The following TRIP12 variants were observed in gnomAD, a reference collection of about 807,000 sequenced individuals.
TRIP12 encodes the protein E3 ubiquitin-protein ligase TRIP12.
Under a neutral mutation model 244.2 loss-of-function variants are expected in TRIP12, and 25 were observed. That is an observed-to-expected ratio of 0.10 (90% confidence interval 0.07 to 0.14). The LOEUF (loss-of-function observed/expected upper bound fraction) is 0.14. Among genes scored for constraint, TRIP12 ranks in the 10% least tolerant of loss-of-function variants. TRIP12 has a pLI of 1.00. For missense variants in TRIP12, 1,677 were observed against 2,486.4 expected, an observed-to-expected ratio of 0.67 and a Z score of 6.92; for synonymous variants, 905 against 873.1, an observed-to-expected ratio of 1.04 and a Z score of -0.64.
intron 15 of TRIP12, among the ~76,000 whole-genome samples, chr2:229,808,619 T>C (rs1204227886): frequency 1.3e-5 from 2 of 152,210 alleles, no homozygotes; most frequent in East Asian, 1.9e-4. Flanking sequence ...CTAATCACAA[T>C]TCCTTCTCAC....
At chr2:229,860,126 TA>T (rs1324913103) in intron 3 of TRIP12, among the ~76,000 whole-genome samples, 4 of 151,590 alleles carry the variant, frequency 2.6e-5, no homozygotes, top group African/African-American at 9.7e-5. Flanking sequence ...GATTAAAAAA[TA>T]AAAAGAAATA....
intron 4 of TRIP12, among the ~76,000 whole-genome samples, chr2:229,847,171 A>G (rs1417683003): frequency 6.6e-6 from 1 of 152,242 alleles, no homozygotes; most frequent in Non-Finnish European, 1.5e-5. Flanking sequence ...GTACATCCAT[A>G]TCTAGCCATT....
intron 1 of TRIP12, among the ~76,000 whole-genome samples, chr2:229,891,469 A>G (rs991209307): frequency 6.6e-6 from 1 of 151,400 alleles, no homozygotes; most frequent in African/African-American, 2.4e-5. Context: ...TGACATGCAC[A>G]TCTAGGCCCA....
At chr2:229,796,852 C>A in intron 24 of TRIP12, 70 bp from the exon 25 acceptor site, 1 of 1,362,754 alleles carries the variant, frequency 7.3e-7, no homozygotes, top group Non-Finnish European at 9.9e-7. Context: ...ACTCACATAT[C>A]CTCAAAAGGA....
intron 21 of TRIP12, among the ~76,000 whole-genome samples, chr2:229,799,825 T>C (rs1299712459): frequency 6.6e-6 from 1 of 152,176 alleles, no homozygotes; most frequent in African/African-American, 2.4e-5. Flanking sequence ...TAGTGATTAT[T>C]TAATGCCAAT....
chr2:229,797,644 T>G, intron 24 of TRIP12, 46 bp downstream of exon 24: 1 of 1,601,554 alleles, frequency 6.2e-7, no homozygotes, highest in South Asian at 1.1e-5. Flanking sequence ...CAGGAGATGC[T>G]GGGAAGAGAC....
At chr2:229,905,874 T>C (rs1577017227) in intron 1 of TRIP12, among the ~76,000 whole-genome samples, 1 of 152,128 alleles carries the variant, frequency 6.6e-6, no homozygotes, top group Admixed American at 6.5e-5. Flanking sequence ...CAATAGCCAA[T>C]GAGGGCCTTA....
chr2:229,864,039 AGAGAGAGAGTGTGTGTGTGTGTGT>A (rs2060983982), intron 2 of TRIP12, among the ~76,000 whole-genome samples: 1 of 79,178 alleles, frequency 1.3e-5, no homozygotes, highest in African/African-American at 4.3e-5. Flanking sequence ...AGAGAGAGAG[AGAGAGAGAGTGTGTGTGTGTGTGT>A]GTGTGTGTGT....
intron 10 of TRIP12, 23 bp downstream of exon 10, chr2:229,815,249 TA>T (rs751106654): frequency 4.6e-6 from 7 of 1,533,432 alleles, no homozygotes; most frequent in Admixed American, 1.7e-5. Context: ...TATACACCAT[TA>T]AAAAAATACA....
chr2:229,902,263 G>A (rs1576946449), intron 1 of TRIP12, among the ~76,000 whole-genome samples: 2 of 151,952 alleles, frequency 1.3e-5, no homozygotes, highest in African/African-American at 4.8e-5. Flanking sequence ...CGTGCCTACA[G>A]TCCCAGCTAC....
chr2:229,836,744 CAAG>C (rs2054921069), intron 6 of TRIP12, 101 bp downstream of exon 6: 2 of 1,320,138 alleles, frequency 1.5e-6, no homozygotes, highest in Admixed American at 3.0e-5. Context: ...CAAAACAGAA[CAAG>C]AAGTTTATAC....
chr2:229,903,399 A>C (rs1232429152), intron 1 of TRIP12, among the ~76,000 whole-genome samples: 1 of 152,176 alleles, frequency 6.6e-6, no homozygotes, highest in African/African-American at 2.4e-5. Flanking sequence ...AAAAGGAATT[A>C]TTATGGATAG....
chr2:229,818,894 T>C (rs528383789), intron 8 of TRIP12, among the ~76,000 whole-genome samples: 44 of 152,248 alleles, frequency 2.9e-4, no homozygotes, highest in Non-Finnish European at 5.7e-4. Flanking sequence ...ATGATGCCCA[T>C]ACTTCAAAGG....
At chr2:229,899,394 G>C (rs1163450071) in intron 1 of TRIP12, among the ~76,000 whole-genome samples, 3 of 152,208 alleles carry the variant, frequency 2.0e-5, no homozygotes, top group Non-Finnish European at 4.4e-5. Context: ...AAACCAGCAA[G>C]AATGAGCTAG....
At chr2:229,789,485 A>T in intron 31 of TRIP12, 126 bp downstream of exon 31, 1 of 1,071,792 alleles carries the variant, frequency 9.3e-7, no homozygotes, top group Non-Finnish European at 1.3e-6. Context: ...TCCACTGATG[A>T]GTACATTGTA....
chr2:229,783,011 A>G (rs1016021309), intron 34 of TRIP12, among the ~76,000 whole-genome samples: 2 of 152,236 alleles, frequency 1.3e-5, no homozygotes, highest in Non-Finnish European at 2.9e-5. Flanking sequence ...AAGAAAGAAA[A>G]GACAAAGACT....
intron 24 of TRIP12, 56 bp downstream of exon 24, chr2:229,797,634 C>A: frequency 6.3e-7 from 1 of 1,590,680 alleles, no homozygotes; most frequent in South Asian, 1.2e-5. Flanking sequence ...AAAAGAGTAG[C>A]AGGAGATGCT....
At position 229,767,759 on chromosome 2, in the gene TRIP12, G is replaced by A; in HGVS notation, c.6008-9C>T. The A allele has an allele frequency of 6.3e-7, 1 of 1,597,704 alleles. No individual in the cohort carries two copies. Among genetic ancestry groups the A allele is most frequent in the Non-Finnish European group, 8.5e-7 (1 of 1,174,636 alleles). On this transcript the variant is annotated splice_polypyrimidine_tract_variant and intron_variant, in intron 41 of 41. Transcript: ENST00000675903. ...ATTCAAACTCCGGAATCCTGATTAA[G>A]AGAAAAAGAAAGACAAGGAACTTAA...
At chr2:229,919,120 C>T (rs557210810) in intron 1 of TRIP12, among the ~76,000 whole-genome samples, 1 of 152,228 alleles carries the variant, frequency 6.6e-6, no homozygotes, top group South Asian at 2.1e-4. Flanking sequence ...AATAATCTTA[C>T]AAGTTACACT....
Sources: gnomAD v4.1 joint callset for allele counts (sites outside exome capture counted in the v4.1 genomes callset) on GRCh38, gnomAD v4.1.1 for gene constraint, MANE v1.5 for transcripts, NCBI Gene and HGNC (gene_info 2026-07-23, HGNC 2026-07-21) for gene names.